PTPN14: variants seen among roughly 807,000 people sequenced by gnomAD.
PTPN14 encodes tyrosine-protein phosphatase non-receptor type 14.
A neutral mutation model predicts 126.8 loss-of-function variants in PTPN14; 53 were observed. The observed-to-expected ratio is 0.42, with a 90% CI of 0.34 to 0.53. The LOEUF is 0.53. Among genes scored for constraint, PTPN14 ranks in the 20% least tolerant of loss-of-function variants. The pLI is 0.08. For missense variants in PTPN14, 1,257 were observed against 1,552.9 expected (o/e 0.81, Z 3.20); for synonymous variants, 630 against 599.3 (o/e 1.05, Z -0.75).
At chr1:214,366,375 G>C (rs2102513085) in intron 17 of PTPN14, among the ~76,000 whole-genome samples, 1 of 152,288 alleles carries the variant, frequency 6.6e-6, no homozygotes, top group Non-Finnish European at 1.5e-5. Flanking sequence ...AGCTTTACTT[G>C]AGCTAAATTT....
intron 2 of PTPN14, among the ~76,000 whole-genome samples, chr1:214,464,090 T>G (rs192189424): frequency 9.4e-4 from 143 of 151,556 alleles, no homozygotes; most frequent in Non-Finnish European, 1.8e-3. Flanking sequence ...TGAGGAATCT[T>G]AAAAAGAAGA....
rs757027668 is a variant in PTPN14, at chr1:214,384,444, T to C, written c.1411A>G (p.Ile471Val). The C allele has an allele frequency of 6.2e-7, 1 of 1,614,082 alleles. No homozygotes were observed. The highest frequency in any genetic ancestry group is 1.7e-5 in the Admixed American group (1 of 60,018). Residue 471 changes from isoleucine (I) to valine (V), a missense_variant, in exon 13 of 19, where the codon ATT becomes GTT. By Grantham distance (29) the Ile-to-Val change is conservative. Coordinates refer to ENST00000366956, the MANE Select transcript of PTPN14 (RefSeq NM_005401.5). The surrounding 1 kb of genome is among the most constrained non-coding windows in gnomAD (Gnocchi z 5.3). ...SQSQSLRNLN[I>V]INTHAYNQPE... ...TGGTTGTAGGCATGGGTGTTGATAA[T>C]GTTGAGGTTTCTCAGAGACTGGCTC...
chr1:214,521,664 G>A (rs564989666), intron 1 of PTPN14, among the ~76,000 whole-genome samples: 4 of 152,116 alleles, frequency 2.6e-5, no homozygotes, highest in African/African-American at 9.6e-5. Context: ...GCAGTGAGCC[G>A]AGATAGCGCC....
At chr1:214,531,036 AT>A (rs1383851515) in intron 1 of PTPN14, 2 of 152,190 alleles carry the variant, frequency 1.3e-5, no homozygotes, top group Non-Finnish European at 2.9e-5. Context: ...TTCAAAAGAA[AT>A]TTGCAATGAA....
At chr1:214,440,534 G>C (rs768096743) in intron 3 of PTPN14, among the ~76,000 whole-genome samples, 1 of 152,172 alleles carries the variant, frequency 6.6e-6, no homozygotes, top group African/African-American at 2.4e-5. Flanking sequence ...CTAGCCCTCC[G>C]GAGTGATCTT....
intron 2 of PTPN14, among the ~76,000 whole-genome samples, chr1:214,458,480 G>A (rs921600051): frequency 1.3e-5 from 2 of 152,296 alleles, no homozygotes; most frequent in African/African-American, 4.8e-5. Context: ...CAGCCACATC[G>A]AGTGCTTCCT....
chr1:214,401,909 T>C (rs766073320), intron 6 of PTPN14, 137 bp from the exon 7 acceptor site: 28 of 666,374 alleles, frequency 4.2e-5, no homozygotes, highest in Non-Finnish European at 6.8e-5. Flanking sequence ...ACTGTGAGGG[T>C]AGGGTGCATT....
intron 1 of PTPN14, among the ~76,000 whole-genome samples, chr1:214,508,890 C>A (rs1654904178): frequency 6.6e-6 from 1 of 152,166 alleles, no homozygotes; most frequent in African/African-American, 2.4e-5. Context: ...GATGCATTGT[C>A]AATGAGCAAT....
intron 2 of PTPN14, among the ~76,000 whole-genome samples, chr1:214,461,232 A>G (rs1185750902): frequency 6.6e-6 from 1 of 152,214 alleles, no homozygotes; most frequent in Admixed American, 6.5e-5. Flanking sequence ...TCCACCATAC[A>G]TCCTTTCCTA....
rs1295999705 is a variant in PTPN14, at chr1:214,358,036, G to A, written c.3450C>T (p.Pro1150=). The part of the protein sequence containing the change: ...CLEHNEKVEV[P]MMLRLLREQR... ...GCTCCCTGAGGAGCCTCAGCATCAT[G>A]GGCACTTCCACCTTCTGCAAGAAAA... The change falls in exon 19 of 19, where the codon CCC becomes CCT. Residue 1150 remains proline, a synonymous_variant. Coordinates refer to ENST00000366956, the MANE Select transcript of PTPN14 (RefSeq NM_005401.5). 7 of 1,613,310 alleles carry A rather than the reference G, an allele frequency of 4.3e-6. No homozygotes were observed. The highest frequency in any genetic ancestry group is 3.3e-5 in the Admixed American group (2 of 60,010).
chr1:214,531,630 G>C (rs578053204), intron 1 of PTPN14: 17 of 152,186 alleles, frequency 1.1e-4, no homozygotes, highest in African/African-American at 3.4e-4. Flanking sequence ...CCCCTGCTGT[G>C]AAGTCTCAGA....
chr1:214,533,879 A>C (rs1270468726), intron 1 of PTPN14, among the ~76,000 whole-genome samples: 1 of 151,758 alleles, frequency 6.6e-6, no homozygotes, highest in Non-Finnish European at 1.5e-5. Flanking sequence ...AGAAAAAAAA[A>C]AGTAGTATAC....
At position 214,350,571 on chromosome 1, in the gene PTPN14, C is replaced by T. The variant is rs1222822284; in HGVS notation, c.*7351G>A. ...TTTTTTTTTTTTTGAGACAAAGTCT[C>T]ACTCTGTTGCCCAGGCTGGAGTGCA... On this transcript the variant is annotated 3_prime_UTR_variant, in exon 19 of 19. Transcript: ENST00000366956. 1.6e-5 allele frequency: 2 copies of T among 128,310 alleles called. No individual in the cohort carries two copies. The highest frequency in any genetic ancestry group is 3.0e-5 in the African/African-American group (1 of 33,328). 7.9% of individuals were successfully genotyped at this position (128,310 alleles called of 1,614,324 possible). A position where few individuals can be genotyped will look rare whatever the true frequency, so the allele number is the denominator to read the frequency against.
chr1:214,445,356 T>C (rs1020385805), intron 3 of PTPN14, among the ~76,000 whole-genome samples: 2 of 152,184 alleles, frequency 1.3e-5, no homozygotes, highest in Non-Finnish European at 2.9e-5. Flanking sequence ...GCTACAGCAG[T>C]AGTTGCACTC....
chr1:214,510,307 C>T (rs1369235780), intron 1 of PTPN14, among the ~76,000 whole-genome samples: 6 of 152,256 alleles, frequency 3.9e-5, no homozygotes, highest in Middle Eastern at 3.4e-3. Context: ...ATAATGAAAG[C>T]GTCTGACATA....
At chr1:214,527,148 A>G (rs1655420918) in intron 1 of PTPN14, among the ~76,000 whole-genome samples, 1 of 152,008 alleles carries the variant, frequency 6.6e-6, no homozygotes, top group South Asian at 2.1e-4. Flanking sequence ...CGGATCTCAG[A>G]GCCTTGGCAG....
intron 2 of PTPN14, among the ~76,000 whole-genome samples, chr1:214,453,460 T>C (rs535271168): frequency 6.6e-6 from 1 of 152,316 alleles, no homozygotes; most frequent in African/African-American, 2.4e-5. Flanking sequence ...CTCTCAGAGT[T>C]TTCTCCTCTG....
chr1:214,498,791 A>AT (rs548043232), intron 1 of PTPN14, among the ~76,000 whole-genome samples: 101 of 151,418 alleles, frequency 6.7e-4, no homozygotes, highest in Non-Finnish European at 1.0e-3. Context: ...ACCCTTTAAA[A>AT]TTTTTTTTTC....
chr1:214,376,792 T>C (rs971877112), intron 14 of PTPN14, among the ~76,000 whole-genome samples: 1 of 152,234 alleles, frequency 6.6e-6, no homozygotes, highest in African/African-American at 2.4e-5. Context: ...TTTAAGATGA[T>C]ACTGGTCCAC....
Sources: gnomAD v4.1 joint callset for allele counts (sites outside exome capture counted in the v4.1 genomes callset) on GRCh38, gnomAD v4.1.1 for gene constraint, Gnocchi (gnomAD v3.1) non-coding constraint, MANE v1.5 for transcripts, NCBI Gene and HGNC (gene_info 2026-07-23, HGNC 2026-07-21) for gene names.